Variants in FAM20C observed in about 807,000 individuals in gnomAD.
The protein encoded by FAM20C is extracellular serine/threonine protein kinase FAM20C.
FAM20C carries 40 observed loss-of-function variants against 51.5 expected under a neutral mutation model. The observed-to-expected ratio is 0.78, with a 90% confidence interval of 0.60 to 1.01. The LOEUF is 1.01. Ranked by LOEUF, FAM20C falls within the 50% of genes least tolerant of loss-of-function variation. The pLI is 0.00. For synonymous variants in FAM20C, 406 were observed against 380.6 expected, an observed-to-expected ratio of 1.07 and a Z score of -0.78; for missense variants, 861 against 844.7, an observed-to-expected ratio of 1.02 and a Z score of -0.24.
At chr7:201,423 C>T (rs1233588515) in intron 2 of FAM20C, among the ~76,000 whole-genome samples, 1 of 152,200 alleles carries the variant, frequency 6.6e-6, no homozygotes, top group African/African-American at 2.4e-5. Flanking sequence ...GTTCCTGCTC[C>T]CACGAGAAAC....
In FAM20C at chr7:260,536, G is replaced by C. The variant is rs144420589; in HGVS notation, c.*556G>C. On this transcript the variant is annotated 3_prime_UTR_variant, in exon 10 of 10. Coordinates refer to ENST00000313766, the MANE Select transcript of FAM20C (RefSeq NM_020223.4). Reference sequence around the variant, plus strand: ...ACGTCTGGCCTGTGCGCTGGTGGACGGATGCCTACGTGGTTTTGGAGGACC... The same window carrying C: ...ACGTCTGGCCTGTGCGCTGGTGGACCGATGCCTACGTGGTTTTGGAGGACC... 6.6e-6 allele frequency: 1 copy of C among 152,448 alleles called. No homozygotes were observed. The highest frequency in any genetic ancestry group is 2.4e-5 in the African/African-American group (1 of 41,596). 9.4% of individuals were successfully genotyped at this position (152,448 alleles called of 1,614,324 possible). A position where few individuals can be genotyped will look rare whatever the true frequency, so the allele number is the denominator to read the frequency against.
chr7:231,506 C>G (rs78292917), intron 3 of FAM20C, among the ~76,000 whole-genome samples: 258 of 140,294 alleles, frequency 1.8e-3, no homozygotes, highest in African/African-American at 6.0e-3. Flanking sequence ...GTCGAGGGCC[C>G]CGTGGGAGGA....
At chr7:257,852 C>CCAGGATGCTGGAGA (rs1788661758) in intron 8 of FAM20C, among the ~76,000 whole-genome samples, 2 of 121,060 alleles carry the variant, frequency 1.7e-5, no homozygotes, top group African/African-American at 6.9e-5. Flanking sequence ...GACCCACTGC[C>CCAGGATGCTGGAGA]TGGGGTGCTG....
At chr7:204,729 G>T (rs1043948911) in intron 2 of FAM20C, among the ~76,000 whole-genome samples, 2 of 152,216 alleles carry the variant, frequency 1.3e-5, no homozygotes, top group African/African-American at 4.8e-5. Context: ...GCACCTGTGT[G>T]GCCCTGGCCA....
chr7:212,442 G>A (rs1786766857), intron 3 of FAM20C, among the ~76,000 whole-genome samples: 1 of 152,176 alleles, frequency 6.6e-6, no homozygotes. Flanking sequence ...CAGCCTGAGG[G>A]ACAGAACAAG....
intron 2 of FAM20C, among the ~76,000 whole-genome samples, chr7:202,440 G>A: frequency 7.0e-6 from 1 of 143,452 alleles, no homozygotes; most frequent in African/African-American, 2.6e-5. Context: ...GGATTGTACT[G>A]GGGAATGGGG....
chr7:258,270 AGGGT>A (rs1788712261), intron 8 of FAM20C, among the ~76,000 whole-genome samples: 1 of 87,350 alleles, frequency 1.1e-5, no homozygotes, highest in African/African-American at 7.4e-5. Context: ...GGAGATAGGC[AGGGT>A]GGACCCACTG....
rs771838877 is a variant in FAM20C at position 230,381 on chromosome 7, G to T, written c.864-16034G>T. Among the ~76,000 whole-genome samples, 671 of 105,572 alleles carry T rather than the reference G, an allele frequency of 6.4e-3. 85 individuals carry two copies. The highest frequency in any genetic ancestry group is 0.011 in the Non-Finnish European group (523 of 46,892). 69.3% of individuals were successfully genotyped at this position (105,572 alleles called of 152,430 possible). A position where few individuals can be genotyped will look rare whatever the true frequency, so the allele number is the denominator to read the frequency against. On this transcript the variant is annotated intron_variant, in intron 3 of 9. Coordinates refer to ENST00000313766, the MANE Select transcript of FAM20C (RefSeq NM_020223.4). Reference sequence around the variant, plus strand: ...TGTCCCCAGGACGGGGTGGGGGGGGGGGGGAACAGATCCCCGTGGCTTAAA... The same window carrying T: ...TGTCCCCAGGACGGGGTGGGGGGGGTGGGGAACAGATCCCCGTGGCTTAAA...
chr7:255,785 T>G, intron 5 of FAM20C, 64 bp from the exon 6 acceptor site: 110 of 1,518,428 alleles, frequency 7.2e-5, no homozygotes, highest in Non-Finnish European at 8.7e-5. Flanking sequence ...TTGGGGGCCG[T>G]GAGACCACAG....
chr7:195,616 A>G lies in FAM20C; in HGVS notation c.668A>G (p.Tyr223Cys), dbSNP rs1035789154. ...CCCGGGGAGGCGGCCGTGGACTCCT[A>G]TCCCAACTGGCTCAAGTTCCACATT... ...LSPGEAAVDS[Y>C]PNWLKFHIGI... is the part of the protein sequence containing the mutation. Residue 223 changes from tyrosine (Y) to cysteine (C), a missense_variant, in exon 2 of 10, where the codon TAT (tyrosine) becomes TGT (cysteine). Coordinates refer to ENST00000313766, the MANE Select transcript of FAM20C (RefSeq NM_020223.4). 3.7e-6 allele frequency: 6 copies of G among 1,609,494 alleles called. No individual in the cohort carries two copies. Among genetic ancestry groups the G allele is most frequent in the African/African-American group, 2.7e-5 (2 of 74,792 alleles).
At chr7:228,265 C>T in intron 3 of FAM20C, 1 of 348,022 alleles carries the variant, frequency 2.9e-6, no homozygotes, top group South Asian at 2.2e-5. Flanking sequence ...CTGCCCTGGG[C>T]AGGGTCTTGG....
chr7:259,585 TGTC>T, intron 9 of FAM20C, 143 bp from the exon 10 acceptor site: 6 of 1,055,938 alleles, frequency 5.7e-6, no homozygotes, highest in Middle Eastern at 2.9e-4. Context: ...TGTATGTCTC[TGTC>T]TTTTTCTCTC....
At chr7:201,986 A>C (rs1267073452) in intron 2 of FAM20C, among the ~76,000 whole-genome samples, 1 of 152,248 alleles carries the variant, frequency 6.6e-6, no homozygotes, top group Non-Finnish European at 1.5e-5. Context: ...ATGATGAATC[A>C]ATAGGAATGA....
intron 3 of FAM20C, among the ~76,000 whole-genome samples, chr7:231,231 G>A (rs945850725): frequency 3.3e-5 from 5 of 152,106 alleles, no homozygotes; most frequent in Admixed American, 2.0e-4. Context: ...CCGGGGCAGC[G>A]AGGACCCCTG....
chr7:199,516 C>T (rs559520908), intron 2 of FAM20C, among the ~76,000 whole-genome samples: 25 of 152,360 alleles, frequency 1.6e-4, no homozygotes, highest in African/African-American at 5.5e-4. Flanking sequence ...AGTCATTCAT[C>T]TTACTATTAA....
chr7:236,050 C>T (rs1787838155), intron 3 of FAM20C, among the ~76,000 whole-genome samples: 1 of 152,228 alleles, frequency 6.6e-6, no homozygotes, highest in Non-Finnish European at 1.5e-5. Flanking sequence ...TCTGTCAGGG[C>T]GCCCAGGAAG....
Position 195,653 on chromosome 7 carries a change from G to A in FAM20C, c.705G>A (p.Arg235=). 2.5e-6 allele frequency: 4 copies of A among 1,611,190 alleles called. No individual in the cohort carries two copies. The highest frequency in any genetic ancestry group is 3.4e-6 in the Non-Finnish European group (4 of 1,178,862). ...NWLKFHIGIN[R]YELYSRHNPA... is the part of the protein sequence containing the mutation. ...TCAAGTTCCACATTGGTATCAACCG[G>A]TACGAGCTGTACTCCAGACACAACC... The change falls in exon 2 of 10, where the codon CGG becomes CGA. Residue 235 remains arginine, a synonymous_variant. Coordinates refer to ENST00000313766, the MANE Select transcript of FAM20C (RefSeq NM_020223.4).
At chr7:224,299 A>ACAACCTGGG (rs1562381296) in intron 3 of FAM20C, among the ~76,000 whole-genome samples, 9 of 48,486 alleles carry the variant, frequency 1.9e-4, no homozygotes, top group Admixed American at 8.1e-4. Context: ...ACGGAGCAGA[A>ACAACCTGGG]TGGCACCGTC....
intron 3 of FAM20C, among the ~76,000 whole-genome samples, chr7:216,416 G>A (rs28396901): frequency 0.45 from 2,814 of 6,222 alleles, 864 homozygotes; most frequent in East Asian, 0.58. Flanking sequence ...GGGTGGGGGG[G>A]GCAGGGCCCC....
Sources: gnomAD v4.1 joint callset for allele counts (sites outside exome capture counted in the v4.1 genomes callset) on GRCh38, gnomAD v4.1.1 for gene constraint, MANE v1.5 for transcripts, NCBI Gene and HGNC (gene_info 2026-07-23, HGNC 2026-07-21) for gene names.